Variants in ALDH8A1 observed in about 807,000 individuals in gnomAD.
The protein encoded by ALDH8A1 is 2-aminomuconic semialdehyde dehydrogenase.
In ALDH8A1, 39 loss-of-function variants were observed where a neutral mutation model predicts 43.3. The observed-to-expected ratio is 0.90, with a 90% confidence interval of 0.70 to 1.18. The LOEUF (loss-of-function observed/expected upper bound fraction) is 1.18, where lower values mean the gene tolerates loss of function less well. Among genes scored for constraint, ALDH8A1 ranks in the 50% most tolerant of loss-of-function variants. The pLI is 0.00. For missense variants in ALDH8A1, 605 were observed against 622.6 expected (o/e 0.97, Z 0.30); for synonymous variants, 233 against 243.5 (o/e 0.96, Z 0.40).
intron 5 of ALDH8A1, among the ~76,000 whole-genome samples, chr6:134,931,754 T>C (rs2114690798): frequency 6.6e-6 from 1 of 152,372 alleles, no homozygotes; most frequent in South Asian, 2.1e-4. Context: ...AAATTATATT[T>C]CTAGCCACTT....
intron 5 of ALDH8A1, among the ~76,000 whole-genome samples, 188 bp downstream of exon 5, chr6:134,932,588 A>C (rs1412697411): frequency 6.6e-6 from 1 of 152,106 alleles, no homozygotes; most frequent in Non-Finnish European, 1.5e-5. Context: ...AGAAGCTGTG[A>C]CTCTGCAAGG....
In ALDH8A1 at chr6:134,929,095, C is replaced by A. The variant is rs1776933951; in HGVS notation, c.970G>T (p.Val324Leu). 6.2e-7 allele frequency: 1 copy of A among 1,614,104 alleles called. No homozygotes were observed. The highest frequency in any genetic ancestry group is 8.5e-7 in the Non-Finnish European group (1 of 1,180,042). Residue 324 changes from valine to leucine, a missense_variant, in exon 6 of 7, where the codon GTG becomes TTG. Transcript: ENST00000265605. ...TTACTTATCAGAGCACCTATGCTCACCAGTGGATCAGAGGGAATGCCGACT... is the reference window on the plus strand; with the variant it reads ...TTACTTATCAGAGCACCTATGCTCAACAGTGGATCAGAGGGAATGCCGACT... ...WKVGIPSDPL[V>L]SIGALISKAH... is the part of the protein sequence containing the mutation.
chr6:134,921,004 G>A (rs1776789753), intron 6 of ALDH8A1, among the ~76,000 whole-genome samples: 1 of 152,152 alleles, frequency 6.6e-6, no homozygotes, highest in Non-Finnish European at 1.5e-5. Flanking sequence ...AATTCATAGG[G>A]CTCTTGAGAG....
chr6:134,941,922 T>A (rs1486614860), intron 3 of ALDH8A1, among the ~76,000 whole-genome samples: 1 of 151,900 alleles, frequency 6.6e-6, no homozygotes, highest in Non-Finnish European at 1.5e-5. Context: ...ATTTTCCAGA[T>A]AAGTCATGAA....
intron 1 of ALDH8A1, among the ~76,000 whole-genome samples, chr6:134,948,124 T>C (rs61554587): frequency 0.041 from 6,171 of 152,244 alleles, 424 homozygotes; most frequent in African/African-American, 0.14. Flanking sequence ...CTGGAGGATA[T>C]TACGTTAAGT....
At chr6:134,947,276 T>A (rs139493730) in intron 1 of ALDH8A1, among the ~76,000 whole-genome samples, 9 of 152,230 alleles carry the variant, frequency 5.9e-5, no homozygotes, top group African/African-American at 2.2e-4. Flanking sequence ...GAAACTACTA[T>A]AAGAAAACAT....
intron 4 of ALDH8A1, among the ~76,000 whole-genome samples, chr6:134,937,804 T>G (rs2142725): frequency 0.64 from 96,846 of 151,942 alleles, 31,050 homozygotes; most frequent in East Asian, 0.74. Flanking sequence ...TGTGAGGTCT[T>G]TTGTAGGGGA....
At chr6:134,931,528 A>C (rs1776986400) in intron 5 of ALDH8A1, among the ~76,000 whole-genome samples, 1 of 152,140 alleles carries the variant, frequency 6.6e-6, no homozygotes, top group Non-Finnish European at 1.5e-5. Context: ...GGCCTCCCAA[A>C]GTGCTGGGAT....
chr6:134,925,497 A>G (rs1040164731), intron 6 of ALDH8A1, among the ~76,000 whole-genome samples: 3 of 152,250 alleles, frequency 2.0e-5, no homozygotes, highest in Non-Finnish European at 2.9e-5. Context: ...GTTTAAGCTA[A>G]GGATCAAAAA....
intron 4 of ALDH8A1, among the ~76,000 whole-genome samples, chr6:134,938,229 G>A (rs4646874): frequency 1.3e-5 from 2 of 152,182 alleles, no homozygotes; most frequent in East Asian, 1.9e-4. Flanking sequence ...TGCCCTGGCC[G>A]TGGGGTGACA....
At chr6:134,949,093 A>T (rs575815766) in intron 1 of ALDH8A1, among the ~76,000 whole-genome samples, 4 of 152,206 alleles carry the variant, frequency 2.6e-5, no homozygotes, top group African/African-American at 9.6e-5. Context: ...CATGGAATAT[A>T]TATTTTTATA....
At chr6:134,935,711 C>G (rs1013135916) in intron 4 of ALDH8A1, among the ~76,000 whole-genome samples, 1 of 152,136 alleles carries the variant, frequency 6.6e-6, no homozygotes, top group Non-Finnish European at 1.5e-5. Context: ...ACAATCTCTC[C>G]TCATTAGAAA....
At chr6:134,940,358 G>A (rs560631995) in intron 3 of ALDH8A1, 1 of 191,614 alleles carries the variant, frequency 5.2e-6, no homozygotes, top group South Asian at 7.3e-5. Flanking sequence ...TTAACGGTCT[G>A]GCTGTTATTT....
Position 134,943,893 on chromosome 6 carries a change from C to G in ALDH8A1, c.212G>C (p.Arg71Pro). 6.2e-7 allele frequency: 1 copy of G among 1,614,238 alleles called. No individual in the cohort carries two copies. Among genetic ancestry groups the G allele is most frequent in the Non-Finnish European group, 8.5e-7 (1 of 1,180,050 alleles). ...WSSRSPQERS[R>P]VLNQVADLLE... ...CAAATCCGCCACCTGGTTCAGGACC[C>G]GTGAGCGCTCCTGGGGGCTGCGGGA... The change falls in exon 2 of 7, where the codon CGG becomes CCG. Residue 71 changes from arginine (R) to proline (P), a missense_variant. Physicochemically the swap from Arg to Pro is moderately radical, Grantham distance 103. Transcript: ENST00000265605.
chr6:134,941,929 T>C lies in ALDH8A1; in HGVS notation c.442+480A>G, dbSNP rs1324797594. 3.3e-5 allele frequency among the ~76,000 whole-genome samples: 5 copies of C among 151,878 alleles called. No individual in the cohort carries two copies. The East Asian group carries it at 7.8e-4, about 24-fold the overall frequency. On this transcript the variant is annotated intron_variant, in intron 3 of 6. Transcript: ENST00000265605. ...TCCCTATGATTTTCCAGATAAGTCA[T>C]GAACATGAGGCCTGGCGTGGTGGCT... is the stretch of plus-strand genomic sequence containing the variant.
intron 1 of ALDH8A1, among the ~76,000 whole-genome samples, chr6:134,946,673 T>C (rs1339755077): frequency 6.6e-6 from 1 of 151,932 alleles, no homozygotes; most frequent in Non-Finnish European, 1.5e-5. Context: ...AAGCCATAGA[T>C]ACCAAGTGGT....
At chr6:134,924,716 C>T (rs1049021552) in intron 6 of ALDH8A1, among the ~76,000 whole-genome samples, 3 of 152,086 alleles carry the variant, frequency 2.0e-5, no homozygotes, top group African/African-American at 7.2e-5. Context: ...TAATCTAGGT[C>T]TTCTCTGTGG....
At chr6:134,949,078 C>T (rs1333314236) in intron 1 of ALDH8A1, among the ~76,000 whole-genome samples, 1 of 151,840 alleles carries the variant, frequency 6.6e-6, no homozygotes, top group African/African-American at 2.4e-5. Context: ...TAAAAAAAAA[C>T]TTTGCATGGA....
intron 4 of ALDH8A1, among the ~76,000 whole-genome samples, chr6:134,938,321 G>T (rs913736700): frequency 1.3e-5 from 2 of 152,250 alleles, no homozygotes; most frequent in African/African-American, 2.4e-5. Flanking sequence ...AACAGTGCCA[G>T]CCTGTGCCTG....
Sources: allele counts gnomAD v4.1 joint callset (sites outside exome capture counted in the v4.1 genomes callset), GRCh38; gene constraint gnomAD v4.1.1; transcripts MANE v1.5; gene names NCBI Gene and HGNC (gene_info 2026-07-23, HGNC 2026-07-21).